Variants in CSMD1 observed in about 807,000 individuals in gnomAD.
CSMD1 encodes the protein CUB and Sushi multiple domains 1.
A neutral mutation model predicts 417.5 loss-of-function variants in CSMD1; 213 were observed. That is an observed-to-expected ratio of 0.51 (90% CI 0.46 to 0.57). CSMD1 has a LOEUF of 0.57. CSMD1 is among the 20% of genes least tolerant of loss of function. CSMD1 has a pLI of 0.00. For missense variants in CSMD1, 6,923 were observed against 4,529.7 expected, an observed-to-expected ratio of 1.53 and a Z score of -15.17; for synonymous variants, 2,862 against 1,736.8, an observed-to-expected ratio of 1.65 and a Z score of -16.11.
intron 1 of CSMD1, among the ~76,000 whole-genome samples, chr8:4,763,886 C>T (rs931703807): frequency 1.3e-5 from 2 of 152,160 alleles, no homozygotes; most frequent in Non-Finnish European, 2.9e-5. Flanking sequence ...CATGATTAAG[C>T]CACGACTACA....
chr8:3,667,479 A>C lies in CSMD1; in HGVS notation c.1009+40935T>G, dbSNP rs144169235. 3.4e-3 allele frequency among the ~76,000 whole-genome samples: 516 copies of C among 152,214 alleles called. 3 individuals carry two copies. Among genetic ancestry groups the C allele is most frequent in the African/African-American group, 0.012 (498 of 41,548 alleles). ...TGGGGCACTACAGCCCTGGCAAACA[A>C]TGCAGGGCCAGGGTGGCTGGAGCCA... On this transcript the variant is annotated intron_variant, in intron 7 of 69. Transcript: ENST00000635120.
intron 3 of CSMD1, among the ~76,000 whole-genome samples, chr8:4,168,045 C>G (rs1158548772): frequency 1.3e-5 from 2 of 151,908 alleles, no homozygotes; most frequent in Admixed American, 1.3e-4. Flanking sequence ...CGTAGAATTG[C>G]TTGAAACCAG....
chr8:4,497,878 G>C (rs1189983996), intron 2 of CSMD1, among the ~76,000 whole-genome samples: 2 of 152,096 alleles, frequency 1.3e-5, no homozygotes, highest in Non-Finnish European at 2.9e-5. Context: ...AAATGCTCAG[G>C]CATCCTGTTG....
At chr8:4,494,027 C>A (rs1220340431) in intron 2 of CSMD1, among the ~76,000 whole-genome samples, 2 of 152,098 alleles carry the variant, frequency 1.3e-5, no homozygotes, top group African/African-American at 4.8e-5. Flanking sequence ...CTCAGAGGCC[C>A]TGGGGGAAGG....
chr8:3,360,196 T>C (rs1163398125), intron 20 of CSMD1, among the ~76,000 whole-genome samples: 1 of 152,202 alleles, frequency 6.6e-6, no homozygotes. Flanking sequence ...GTAGACAAGA[T>C]TTTGTACTAA....
chr8:4,721,357 T>C (rs1338163195), intron 1 of CSMD1, among the ~76,000 whole-genome samples: 1 of 152,194 alleles, frequency 6.6e-6, no homozygotes, highest in Non-Finnish European at 1.5e-5. Context: ...TTCTACTGCC[T>C]AGTGATAGAC....
At chr8:4,245,737 G>T (rs951378219) in intron 3 of CSMD1, among the ~76,000 whole-genome samples, 1 of 151,906 alleles carries the variant, frequency 6.6e-6, no homozygotes, top group Non-Finnish European at 1.5e-5. Flanking sequence ...ACACTTCTTG[G>T]TGACTAAGTC....
In CSMD1 at chr8:3,399,404, T is replaced by C; in HGVS notation, c.2392A>G (p.Ile798Val). The C allele has an allele frequency of 1.2e-6, 2 of 1,603,666 alleles. No homozygotes were observed. The highest frequency in any genetic ancestry group is 1.7e-6 in the Non-Finnish European group (2 of 1,175,610). Residue 798 changes from isoleucine (I) to valine (V), a missense_variant, in exon 16 of 70, where the codon ATA becomes GTA. Physicochemically the swap from Ile to Val is conservative, Grantham distance 29. Coordinates refer to ENST00000635120, the MANE Select transcript of CSMD1 (RefSeq NM_033225.6). ...TTTTTTTCTTACCTGTCAAAAGTTATTTTGATAGAGTGGCCTGGTTTTGCT... is the reference window on the plus strand; with the variant it reads ...TTTTTTTCTTACCTGTCAAAAGTTACTTTGATAGAGTGGCCTGGTTTTGCT... Reference protein sequence around the residue: ...IEAKPGHSIKITFDRFQTEVN... With the variant: ...IEAKPGHSIKVTFDRFQTEVN...
chr8:4,418,635 G>A (rs113431271), intron 3 of CSMD1, among the ~76,000 whole-genome samples: 1 of 152,128 alleles, frequency 6.6e-6, no homozygotes, highest in Non-Finnish European at 1.5e-5. Context: ...TTGCTTTAGA[G>A]ATGCTTTTGT....
intron 3 of CSMD1, among the ~76,000 whole-genome samples, chr8:4,374,047 T>C (rs536219080): frequency 1.3e-5 from 2 of 152,262 alleles, no homozygotes; most frequent in South Asian, 4.1e-4. Flanking sequence ...CGTGATCAAA[T>C]TGAACTTAAA....
chr8:4,158,851 G>C (rs1020408115), intron 3 of CSMD1, among the ~76,000 whole-genome samples: 1 of 152,162 alleles, frequency 6.6e-6, no homozygotes, highest in Admixed American at 6.5e-5. Flanking sequence ...TCAGTTTTCA[G>C]AATCTGAAAT....
intron 3 of CSMD1, among the ~76,000 whole-genome samples, chr8:4,102,295 C>A (rs1801345252): frequency 6.6e-6 from 1 of 152,120 alleles, no homozygotes; most frequent in Non-Finnish European, 1.5e-5. Flanking sequence ...TCAGAGAAAT[C>A]ATGATCTTAG....
intron 3 of CSMD1, among the ~76,000 whole-genome samples, chr8:4,065,118 TTA>T (rs1307624984): frequency 6.6e-6 from 1 of 152,230 alleles, no homozygotes; most frequent in African/African-American, 2.4e-5. Context: ...ATTTTCTAGT[TTA>T]TGTTTTTAGA....
At chr8:4,121,835 C>T (rs995792093) in intron 3 of CSMD1, among the ~76,000 whole-genome samples, 7 of 151,580 alleles carry the variant, frequency 4.6e-5, no homozygotes, top group Non-Finnish European at 5.9e-5. Context: ...TTGGGGGGGA[C>T]AAAAAAAGCA....
intron 4 of CSMD1, among the ~76,000 whole-genome samples, chr8:4,025,076 T>C (rs1467197342): frequency 6.6e-6 from 1 of 152,086 alleles, no homozygotes; most frequent in Non-Finnish European, 1.5e-5. Context: ...AAAAATAAGA[T>C]TCAGAATTGG....
chr8:3,821,098 A>G (rs1046151643), intron 5 of CSMD1, among the ~76,000 whole-genome samples: 5 of 151,360 alleles, frequency 3.3e-5, no homozygotes, highest in African/African-American at 7.3e-5. Context: ...TTGTATTTTT[A>G]GTAGAAATGG....
intron 10 of CSMD1, among the ~76,000 whole-genome samples, chr8:3,558,513 C>CCCGTGT: frequency 1.3e-5 from 2 of 149,578 alleles, no homozygotes; most frequent in East Asian, 2.0e-4. Flanking sequence ...TCAATGGTAC[C>CCCGTGT]CCATGTCGAC....
chr8:3,333,988 GT>G (rs1378135875), intron 23 of CSMD1, among the ~76,000 whole-genome samples: 1 of 152,154 alleles, frequency 6.6e-6, no homozygotes. Context: ...CCAAAATCTA[GT>G]TCTTAAAAAG....
rs188786353 is a variant in CSMD1, at chr8:4,663,802, G to A, written c.86-26244C>T. ...AATGCACTAAGTGCTGTAGCAGAGC[G>A]CCTCTGGTTCCAGGCAGAACAAATC... On this transcript the variant is annotated intron_variant, in intron 1 of 69. Coordinates refer to ENST00000635120, the MANE Select transcript of CSMD1 (RefSeq NM_033225.6). Among the ~76,000 whole-genome samples the A allele has an allele frequency of 2.0e-4, 31 of 152,300 alleles. 1 individual carries two copies. In the East Asian group the frequency reaches 5.4e-3, roughly 27 times the overall value.
Sources: gnomAD v4.1 joint callset for allele counts (sites outside exome capture counted in the v4.1 genomes callset) on GRCh38, gnomAD v4.1.1 for gene constraint, MANE v1.5 for transcripts, NCBI Gene and HGNC (gene_info 2026-07-23, HGNC 2026-07-21) for gene names.